Variants in SLC22A3 observed in about 807,000 individuals in gnomAD.
SLC22A3 encodes solute carrier family 22 member 3.
SLC22A3 carries 51 observed loss-of-function variants against 59.1 expected under a neutral mutation model. That is an observed-to-expected ratio of 0.86 (90% CI 0.69 to 1.09). SLC22A3 has a LOEUF of 1.09. Ranked by LOEUF, SLC22A3 falls within the 50% of genes least tolerant of loss-of-function variation. The pLI is 0.00. For synonymous variants in SLC22A3, 325 were observed against 292.0 expected (o/e 1.11, Z -1.15); for missense variants, 711 against 726.3 (o/e 0.98, Z 0.24).
chr6:160,434,355 T>A (rs1788262389), intron 5 of SLC22A3, among the ~76,000 whole-genome samples: 1 of 152,354 alleles, frequency 6.6e-6, no homozygotes, highest in African/African-American at 2.4e-5. Flanking sequence ...TATTCAGCAG[T>A]GCTGTGTGGG....
intron 1 of SLC22A3, among the ~76,000 whole-genome samples, chr6:160,391,371 C>T (rs1299757949): frequency 4.6e-5 from 7 of 152,202 alleles, no homozygotes; most frequent in African/African-American, 1.7e-4. Flanking sequence ...ATTTTATTAT[C>T]ATCAGCATTA....
At chr6:160,366,270 T>C (rs985943904) in intron 1 of SLC22A3, among the ~76,000 whole-genome samples, 1 of 152,072 alleles carries the variant, frequency 6.6e-6, no homozygotes, top group Non-Finnish European at 1.5e-5. Flanking sequence ...CCAAAAGTAA[T>C]TTAGTTACTT....
At chr6:160,373,769 T>C (rs1785487612) in intron 1 of SLC22A3, among the ~76,000 whole-genome samples, 1 of 152,198 alleles carries the variant, frequency 6.6e-6, no homozygotes, top group African/African-American at 2.4e-5. Context: ...TGGTGAGCTC[T>C]GTCCAGTTCA....
intron 4 of SLC22A3, among the ~76,000 whole-genome samples, chr6:160,409,991 C>G (rs941973821): frequency 2.0e-5 from 3 of 152,146 alleles, no homozygotes; most frequent in Non-Finnish European, 2.9e-5. Context: ...ATTACATTAT[C>G]AAAAAGCAAC....
At chr6:160,402,016 G>A (rs1162496707) in intron 2 of SLC22A3, among the ~76,000 whole-genome samples, 2 of 151,954 alleles carry the variant, frequency 1.3e-5, no homozygotes, top group Non-Finnish European at 2.9e-5. Context: ...AAATACGGTA[G>A]ACATTAATCC....
At chr6:160,368,264 A>G (rs402219) in intron 1 of SLC22A3, among the ~76,000 whole-genome samples, 42,519 of 151,914 alleles carry the variant, frequency 0.28, 6,394 homozygotes, top group East Asian at 0.4. Context: ...CAACTTCTCT[A>G]TCTCTGCTCC....
intron 1 of SLC22A3, among the ~76,000 whole-genome samples, chr6:160,365,123 G>A (rs1785161627): frequency 1.3e-5 from 2 of 152,048 alleles, no homozygotes; most frequent in African/African-American, 4.8e-5. Flanking sequence ...TGTATTCTCT[G>A]GGTTTATTTT....
At chr6:160,433,512 G>A (rs1221715214) in intron 5 of SLC22A3, among the ~76,000 whole-genome samples, 2 of 93,170 alleles carry the variant, frequency 2.1e-5, no homozygotes, top group Admixed American at 1.1e-4. Context: ...GCAAGACCCT[G>A]TCTCTACTAC....
chr6:160,448,072 A>T (rs1439943814), intron 10 of SLC22A3, among the ~76,000 whole-genome samples: 1 of 152,128 alleles, frequency 6.6e-6, no homozygotes, highest in African/African-American at 2.4e-5. Flanking sequence ...AGGTGCTAAG[A>T]CTCAGAAGTG....
chr6:160,364,343 T>G (rs970295728), intron 1 of SLC22A3, among the ~76,000 whole-genome samples: 1 of 152,340 alleles, frequency 6.6e-6, no homozygotes, highest in Middle Eastern at 3.4e-3. Flanking sequence ...TCTTCTTAAC[T>G]AATTCAGATA....
chr6:160,371,461 C>A (rs984816457), intron 1 of SLC22A3, among the ~76,000 whole-genome samples: 1 of 152,144 alleles, frequency 6.6e-6, no homozygotes, highest in Non-Finnish European at 1.5e-5. Context: ...TGTTAGTTTG[C>A]TGAGAATGAT....
rs567730742 is a variant in SLC22A3, at chr6:160,382,717, C to T, written c.430-15262C>T. Among the ~76,000 whole-genome samples the T allele has an allele frequency of 1.3e-3, 195 of 152,148 alleles. 1 individual carries two copies. The highest frequency in any genetic ancestry group is 4.5e-3 in the African/African-American group (187 of 41,522). ...TCACCCAAAACTGACTCTAAATAGG[C>T]CTCCATGTTGAATTTAGTAGTCAAA... is the stretch of plus-strand genomic sequence containing the variant. On this transcript the variant is annotated intron_variant, in intron 1 of 10. Coordinates refer to ENST00000275300, the MANE Select transcript of SLC22A3 (RefSeq NM_021977.4).
chr6:160,350,706 A>T (rs1234835017), intron 1 of SLC22A3, among the ~76,000 whole-genome samples: 1 of 152,244 alleles, frequency 6.6e-6, no homozygotes, highest in Non-Finnish European at 1.5e-5. Flanking sequence ...GAAGACAGAC[A>T]TAAAAATCTG....
At chr6:160,410,965 T>C (rs1278403644) in intron 5 of SLC22A3, 119 bp downstream of exon 5, 2 of 538,808 alleles carry the variant, frequency 3.7e-6, no homozygotes, top group South Asian at 1.9e-5. Context: ...ATTATATATA[T>C]ATATGTATGT....
intron 1 of SLC22A3, among the ~76,000 whole-genome samples, chr6:160,372,919 A>AGCTTCCTTG (rs139609558): frequency 0.013 from 2,054 of 152,246 alleles, 45 homozygotes; most frequent in Middle Eastern, 0.075. Context: ...CAAGGTTCTT[A>AGCTTCCTTG]GCTTCCTTGC....
rs866815966 is a variant in SLC22A3 at position 160,363,042 on chromosome 6, G to T, written c.429+14194G>T. 2.6e-5 allele frequency among the ~76,000 whole-genome samples: 4 copies of T among 152,346 alleles called. No homozygotes were observed. The South Asian group carries it at 6.2e-4, about 24-fold the overall frequency. ...GCTGAGGCTGGGCTGGGCTCCCGGGGACTCGGGCAGCTATTTCAGGCAGAC... is the reference window on the plus strand; with the variant it reads ...GCTGAGGCTGGGCTGGGCTCCCGGGTACTCGGGCAGCTATTTCAGGCAGAC... On this transcript the variant is annotated intron_variant, in intron 1 of 10. Coordinates refer to ENST00000275300, the MANE Select transcript of SLC22A3 (RefSeq NM_021977.4).
Position 160,437,116 on chromosome 6 carries a change from T to C in SLC22A3, c.1193T>C (p.Leu398Ser). Reference protein sequence around the residue: ...VVELPGALLILLTIERLGRRL... With the variant: ...VVELPGALLISLTIERLGRRL... ...GAACTGCCAGGAGCTCTCTTGATCT[T>C]ACTAACCATTGAGCGCCTTGGACGA... The change falls in exon 7 of 11, where the codon TTA becomes TCA. Residue 398 changes from leucine to serine, a missense_variant. Leu to Ser is a moderately radical substitution (Grantham distance 145). Coordinates refer to ENST00000275300, the MANE Select transcript of SLC22A3 (RefSeq NM_021977.4). 6.2e-7 allele frequency: 1 copy of C among 1,614,190 alleles called. No individual in the cohort carries two copies. The highest frequency in any genetic ancestry group is 8.5e-7 in the Non-Finnish European group (1 of 1,180,014).
intron 9 of SLC22A3, among the ~76,000 whole-genome samples, chr6:160,445,151 T>C (rs1788693688): frequency 6.6e-6 from 1 of 152,160 alleles, no homozygotes; most frequent in Admixed American, 6.5e-5. Flanking sequence ...GCTGAGACCC[T>C]GAAAGCAGAG....
chr6:160,438,242 A>T (rs1181691384), intron 7 of SLC22A3, among the ~76,000 whole-genome samples: 1 of 152,108 alleles, frequency 6.6e-6, no homozygotes, highest in Non-Finnish European at 1.5e-5. Flanking sequence ...CACCCAGAAG[A>T]TCCTTACCCT....
Sources: allele counts gnomAD v4.1 joint callset (sites outside exome capture counted in the v4.1 genomes callset), GRCh38; gene constraint gnomAD v4.1.1; transcripts MANE v1.5; gene names NCBI Gene and HGNC (gene_info 2026-07-23, HGNC 2026-07-21).